ADGRL2: variants seen among roughly 807,000 people sequenced by gnomAD.
The protein encoded by ADGRL2 is adhesion G protein-coupled receptor L2, also known as calcium-independent alpha-latrotoxin receptor 2.
In ADGRL2, 44 loss-of-function variants were observed where a neutral mutation model predicts 157.4. The ratio of observed to expected loss-of-function variants is 0.28; its 90% CI spans 0.22 to 0.36. The LOEUF (loss-of-function observed/expected upper bound fraction) is 0.36, where lower values mean the gene tolerates loss of function less well. ADGRL2 is among the 10% of genes least tolerant of loss of function. The probability of loss-of-function intolerance (pLI) is 1.00; values close to 1 mark genes in which losing one functional copy is unlikely to be tolerated. For missense variants in ADGRL2, 1,510 were observed against 1,768.9 expected, an observed-to-expected ratio of 0.85 and a Z score of 2.63; for synonymous variants, 585 against 624.7, an observed-to-expected ratio of 0.94 and a Z score of 0.95.
At chr1:81,363,996 A>G (rs2076021916) in intron 1 of ADGRL2, among the ~76,000 whole-genome samples, 1 of 152,154 alleles carries the variant, frequency 6.6e-6, no homozygotes, top group Non-Finnish European at 1.5e-5. Context: ...TTTTGTGGGC[A>G]TTTAATATTG....
intron 1 of ADGRL2, among the ~76,000 whole-genome samples, chr1:81,425,758 G>T (rs1324224265): frequency 1.3e-5 from 2 of 152,186 alleles, no homozygotes; most frequent in Non-Finnish European, 2.9e-5. Context: ...AGGTAGGGGG[G>T]TCTGAGTCAC....
chr1:81,445,558 A>G (rs2077583024), intron 2 of ADGRL2, among the ~76,000 whole-genome samples: 1 of 152,166 alleles, frequency 6.6e-6, no homozygotes, highest in South Asian at 2.1e-4. Context: ...GGCTGAAGGG[A>G]CTTAGAGAGG....
intron 3 of ADGRL2, among the ~76,000 whole-genome samples, chr1:81,639,930 A>G (rs2082186389): frequency 6.6e-6 from 1 of 152,202 alleles, no homozygotes; most frequent in African/African-American, 2.4e-5. Context: ...TTACACGTAA[A>G]TAAAATACAT....
intron 1 of ADGRL2, among the ~76,000 whole-genome samples, chr1:81,345,253 T>C (rs1490268563): frequency 2.0e-5 from 3 of 152,162 alleles, no homozygotes; most frequent in Non-Finnish European, 4.4e-5. Flanking sequence ...TAGTTATTAA[T>C]AGATGCAAGT....
At chr1:81,830,029 C>G (rs773583925) in intron 1 of ADGRL2, among the ~76,000 whole-genome samples, 34 of 152,252 alleles carry the variant, frequency 2.2e-4, no homozygotes, top group Middle Eastern at 3.4e-3. Flanking sequence ...CTCTTAGCTT[C>G]TCATCACATT....
intron 3 of ADGRL2, among the ~76,000 whole-genome samples, chr1:81,689,604 C>T (rs1336305767): frequency 2.0e-5 from 3 of 152,172 alleles, no homozygotes; most frequent in African/African-American, 7.2e-5. Context: ...GGCAAGATGA[C>T]AAGAACCACA....
intron 1 of ADGRL2, among the ~76,000 whole-genome samples, chr1:81,743,788 G>C (rs2085155190): frequency 6.6e-6 from 1 of 151,994 alleles, no homozygotes; most frequent in African/African-American, 2.4e-5. Flanking sequence ...ATCTTAATTT[G>C]TTCTTCTATG....
At chr1:81,822,094 G>C (rs949374693) in intron 1 of ADGRL2, among the ~76,000 whole-genome samples, 2 of 127,800 alleles carry the variant, frequency 1.6e-5, no homozygotes, top group Non-Finnish European at 3.1e-5. Context: ...TTAGTTTTTC[G>C]TATAGAGGTG....
At chr1:81,822,027 A>AGTTTT (rs1557709112) in intron 1 of ADGRL2, among the ~76,000 whole-genome samples, 1 of 18,372 alleles carries the variant, frequency 5.4e-5, no homozygotes, top group Non-Finnish European at 9.8e-5. Context: ...AATATCAGAA[A>AGTTTT]CTTTTTTTTT....
intron 2 of ADGRL2, among the ~76,000 whole-genome samples, chr1:81,513,279 G>A (rs1450580700): frequency 1.3e-5 from 2 of 152,064 alleles, no homozygotes; most frequent in African/African-American, 2.4e-5. Context: ...TGTATCCTTA[G>A]GCATCAAAAA....
At chr1:81,862,038 T>C (rs2093406671) in intron 2 of ADGRL2, among the ~76,000 whole-genome samples, 1 of 152,186 alleles carries the variant, frequency 6.6e-6, no homozygotes, top group African/African-American at 2.4e-5. Flanking sequence ...GAAGATACTT[T>C]ATAATAAAAG....
intron 1 of ADGRL2, among the ~76,000 whole-genome samples, chr1:81,810,925 C>A (rs1178465117): frequency 6.6e-6 from 1 of 151,804 alleles, no homozygotes; most frequent in Non-Finnish European, 1.5e-5. Flanking sequence ...CTCTCTGTCA[C>A]AAAGAAGACA....
chr1:81,315,369 T>C (rs1660034870), intron 1 of ADGRL2, among the ~76,000 whole-genome samples: 1 of 152,156 alleles, frequency 6.6e-6, no homozygotes, highest in Non-Finnish European at 1.5e-5. Flanking sequence ...TTTTTCCCAA[T>C]GTTTAACTTG....
At chr1:81,587,166 T>G (rs569372867) in intron 3 of ADGRL2, among the ~76,000 whole-genome samples, 4 of 152,048 alleles carry the variant, frequency 2.6e-5, no homozygotes, top group African/African-American at 7.2e-5. Context: ...ATATGAGAGA[T>G]AGTAGAGGTA....
At chr1:81,603,496 C>T (rs760105170) in intron 3 of ADGRL2, among the ~76,000 whole-genome samples, 6 of 152,148 alleles carry the variant, frequency 3.9e-5, no homozygotes, top group Non-Finnish European at 8.8e-5. Flanking sequence ...GTATGTATGT[C>T]AATGCCCAGG....
intron 1 of ADGRL2, among the ~76,000 whole-genome samples, chr1:81,736,844 C>G (rs1050060931): frequency 6.6e-6 from 1 of 151,690 alleles, no homozygotes; most frequent in African/African-American, 2.4e-5. Context: ...CTCCCTCACT[C>G]TTTTTTTTGA....
chr1:81,765,524 T>C (rs11163359), intron 2 of ADGRL2, among the ~76,000 whole-genome samples: 47,795 of 151,884 alleles, frequency 0.31, 8,717 homozygotes, highest in East Asian at 0.77. Flanking sequence ...ATTTTATTGA[T>C]ATGTATTATT....
chr1:81,783,364 A>C (rs1336674453), intron 2 of ADGRL2, among the ~76,000 whole-genome samples: 2 of 151,862 alleles, frequency 1.3e-5, no homozygotes, highest in Non-Finnish European at 2.9e-5. Flanking sequence ...TCCTGAATTT[A>C]GGTAATCCAC....
chr1:81,936,575 A>G (rs1022378743), intron 3 of ADGRL2, among the ~76,000 whole-genome samples, 153 bp from the exon 4 acceptor site: 3 of 151,908 alleles, frequency 2.0e-5, no homozygotes, highest in Non-Finnish European at 4.4e-5. Flanking sequence ...CTCTTATAAA[A>G]TATTTAATAA....
Sources: gnomAD v4.1 joint callset for allele counts (sites outside exome capture counted in the v4.1 genomes callset) on GRCh38, gnomAD v4.1.1 for gene constraint, MANE v1.5 for transcripts, NCBI Gene and HGNC (gene_info 2026-07-23, HGNC 2026-07-21) for gene names.